The following PHYHD1 variants were observed in gnomAD, a reference collection of about 807,000 sequenced individuals.
PHYHD1 encodes the protein phytanoyl-CoA dioxygenase domain containing 1.
PHYHD1 carries 42 observed loss-of-function variants against 43.6 expected under a neutral mutation model. The observed-to-expected ratio is 0.96, with a 90% CI of 0.75 to 1.25. PHYHD1 has a LOEUF of 1.25. PHYHD1 is among the 50% of genes most tolerant of loss of function. The pLI is 0.00. For missense variants in PHYHD1, 342 were observed against 370.8 expected (o/e 0.92, Z 0.64); for synonymous variants, 139 against 143.6 (o/e 0.97, Z 0.23).
intron 4 of PHYHD1, among the ~76,000 whole-genome samples, chr9:128,930,157 G>A (rs1329913052): frequency 6.6e-6 from 1 of 151,726 alleles, no homozygotes; most frequent in Non-Finnish European, 1.5e-5. Flanking sequence ...ATGCACGTGT[G>A]TAATCCTGGC....
rs1376501604 is a variant in PHYHD1 at position 128,936,577 on chromosome 9, C to T, written c.373-6C>T. Reference sequence around the variant, plus strand: ...GGCTGGCAGCATGACCTTTGCCCCCCTCCAGACCTTGGCCAGAAGTCTGGG... The same window carrying T: ...GGCTGGCAGCATGACCTTTGCCCCCTTCCAGACCTTGGCCAGAAGTCTGGG... On this transcript the variant is annotated splice_region_variant and splice_polypyrimidine_tract_variant and intron_variant, in intron 7 of 12. Coordinates refer to ENST00000372592, the MANE Select transcript of PHYHD1 (RefSeq NM_001100876.2). The T allele has an allele frequency of 6.3e-7, 1 of 1,592,408 alleles. No homozygotes were observed. Among genetic ancestry groups the T allele is most frequent in the East Asian group, 2.3e-5 (1 of 43,988 alleles).
chr9:128,932,172 A>ATTTTTTTTTTT (rs1367583651), intron 4 of PHYHD1, among the ~76,000 whole-genome samples: 4 of 104,228 alleles, frequency 3.8e-5, no homozygotes, highest in African/African-American at 1.3e-4. Flanking sequence ...TATTATTGTT[A>ATTTTTTTTTTT]TTATTATTAT....
chr9:128,932,820 C>CTTCT (rs1208368641), intron 4 of PHYHD1, among the ~76,000 whole-genome samples: 10 of 141,912 alleles, frequency 7.0e-5, no homozygotes, highest in African/African-American at 2.6e-4. Flanking sequence ...ATTATTATTC[C>CTTCT]TTATTTATTT....
At chr9:128,930,629 C>CAA (rs1201611068) in intron 4 of PHYHD1, among the ~76,000 whole-genome samples, 1 of 129,824 alleles carries the variant, frequency 7.7e-6, no homozygotes. Context: ...ACCTCCGTCT[C>CAA]AAAAAAAAAA....
chr9:128,927,703 C>G (rs1464756887), intron 4 of PHYHD1, among the ~76,000 whole-genome samples: 1 of 152,182 alleles, frequency 6.6e-6, no homozygotes, highest in African/African-American at 2.4e-5. Flanking sequence ...AGGTTCAGAT[C>G]ACTTGCCCCA....
At chr9:128,940,738 G>A (rs1387154379) in intron 11 of PHYHD1, 23 bp downstream of exon 11, 3 of 1,608,932 alleles carry the variant, frequency 1.9e-6, no homozygotes, top group Non-Finnish European at 2.5e-6. Flanking sequence ...AGAGGGCAGA[G>A]AGGCAGGGGG....
intron 4 of PHYHD1, among the ~76,000 whole-genome samples, chr9:128,932,184 A>ATTTTTTT (rs1258300033): frequency 6.4e-5 from 7 of 108,664 alleles, no homozygotes; most frequent in South Asian, 2.9e-4. Flanking sequence ...TATTATTATT[A>ATTTTTTT]TTTTTTTTTT....
rs114906079 is a variant in PHYHD1 at position 128,938,750 on chromosome 9, C to T, written c.457+972C>T. ...GGAATCTGTATTTTTAACAAGTTTC[C>T]TGGAGGACGAATTCAGCATAGAAAT... On this transcript the variant is annotated intron_variant, in intron 9 of 12. Transcript: ENST00000372592. 1.5e-3 allele frequency among the ~76,000 whole-genome samples: 200 copies of T among 131,260 alleles called. 25 individuals are homozygous for T. The highest frequency in any genetic ancestry group is 4.6e-3 in the African/African-American group (186 of 40,002). The allele number at this position is 131,260 out of a possible 152,430, so 86.1% of individuals were successfully genotyped here.
intron 6 of PHYHD1, among the ~76,000 whole-genome samples, chr9:128,934,339 A>G (rs1312466130): frequency 6.6e-6 from 1 of 151,374 alleles, no homozygotes; most frequent in Non-Finnish European, 1.5e-5. Flanking sequence ...CAGTGAGCTG[A>G]GATGTGCCAT....
intron 4 of PHYHD1, among the ~76,000 whole-genome samples, chr9:128,930,726 G>T (rs1432892503): frequency 6.6e-6 from 1 of 152,066 alleles, no homozygotes; most frequent in African/African-American, 2.4e-5. Flanking sequence ...GAGGCGGGGG[G>T]ATCACAAGGT....
Position 128,936,954 on chromosome 9 carries a change from A to C in PHYHD1, c.435+309A>C, listed in dbSNP as rs531008219. The stretch of plus-strand genomic sequence containing the variant: ...ACATGGAGAAACCCCATCTCTACTA[A>C]AAATACAAAAATTAGCCGGGCGTGA... On this transcript the variant is annotated intron_variant, in intron 8 of 12. Transcript: ENST00000372592. Among the ~76,000 whole-genome samples the C allele has an allele frequency of 5.9e-5, 9 of 152,196 alleles. No individual in the cohort carries two copies. In the South Asian group the frequency reaches 1.9e-3, roughly 32 times the overall value.
rs1238266571 is a variant in PHYHD1, at chr9:128,932,221, C to T, written c.193-1561C>T. Among the ~76,000 whole-genome samples, 8 of 147,476 alleles carry T rather than the reference C, an allele frequency of 5.4e-5. No homozygotes were observed. In the South Asian group the frequency reaches 8.5e-4, roughly 16 times the overall value. On this transcript the variant is annotated intron_variant, in intron 4 of 12. Coordinates refer to ENST00000372592, the MANE Select transcript of PHYHD1 (RefSeq NM_001100876.2). ...TGAGATGGAGTCTCGCACTGTCACCCGGGTTGGAGTGCAATGGCACAATCT... is the reference window on the plus strand; with the variant it reads ...TGAGATGGAGTCTCGCACTGTCACCTGGGTTGGAGTGCAATGGCACAATCT...
chr9:128,927,044 C>T lies in PHYHD1; in HGVS notation c.40C>T (p.Gln14Ter). Residue 14 changes from glutamine to a stop codon, truncating the protein, a stop_gained, in exon 4 of 13, where the codon CAG becomes TAG. Coordinates refer to ENST00000372592, the MANE Select transcript of PHYHD1 (RefSeq NM_001100876.2). LOFTEE classifies it high-confidence loss of function. ...LSPSQLQKFQ[Q>*]DGFLVLEGFL... The stretch of plus-strand genomic sequence containing the variant: ...GTCTCAAGCCTGCCTGCAGTTCCAA[C>T]AGGATGGATTCCTGGTGCTGGAAGG... 1 of 1,614,168 alleles carries T rather than the reference C, an allele frequency of 6.2e-7. No individual in the cohort carries two copies. The highest frequency in any genetic ancestry group is 8.5e-7 in the Non-Finnish European group (1 of 1,180,026).
chr9:128,927,520 C>T (rs937745883), intron 4 of PHYHD1, among the ~76,000 whole-genome samples: 1 of 152,176 alleles, frequency 6.6e-6, no homozygotes, highest in Non-Finnish European at 1.5e-5. Flanking sequence ...CACTTACAGG[C>T]ATGCGCCACC....
intron 6 of PHYHD1, among the ~76,000 whole-genome samples, chr9:128,934,366 TG>T (rs1841371993): frequency 6.8e-6 from 1 of 146,164 alleles, no homozygotes; most frequent in Non-Finnish European, 1.5e-5. Context: ...CCAGCCTGCC[TG>T]GGTGACAGAG....
At chr9:128,932,166 A>ATTTTTTTT (rs1564540372) in intron 4 of PHYHD1, among the ~76,000 whole-genome samples, 3 of 122,740 alleles carry the variant, frequency 2.4e-5, no homozygotes, top group African/African-American at 1.0e-4. Flanking sequence ...TATTATTATT[A>ATTTTTTTT]TTGTTATTAT....
chr9:128,928,712 A>AG (rs1564539299), intron 4 of PHYHD1, among the ~76,000 whole-genome samples: 2 of 152,056 alleles, frequency 1.3e-5, no homozygotes, highest in Admixed American at 6.6e-5. Context: ...TCAAAAAAAA[A>AG]CAAAAACAAA....
At chr9:128,927,934 C>A (rs188467532) in intron 4 of PHYHD1, among the ~76,000 whole-genome samples, 14 of 152,342 alleles carry the variant, frequency 9.2e-5, no homozygotes, top group African/African-American at 3.1e-4. Context: ...ATTTTCTCCC[C>A]CCAGTGACCG....
At chr9:128,925,257 G>A (rs1841106386) in intron 3 of PHYHD1, among the ~76,000 whole-genome samples, 1 of 147,350 alleles carries the variant, frequency 6.8e-6, no homozygotes, top group Admixed American at 6.9e-5. Context: ...ATGAAGTCTT[G>A]CTTGGTCTTC....
Sources: allele counts gnomAD v4.1 joint callset (sites outside exome capture counted in the v4.1 genomes callset), GRCh38; gene constraint gnomAD v4.1.1; transcripts MANE v1.5; gene names NCBI Gene and HGNC (gene_info 2026-07-23, HGNC 2026-07-21).